PCDH15: variants seen among roughly 807,000 people sequenced by gnomAD.
PCDH15 encodes protocadherin related 15.
Under a neutral mutation model 178.5 loss-of-function variants are expected in PCDH15, and 129 were observed. The observed-to-expected ratio is 0.72, with a 90% CI of 0.63 to 0.84. PCDH15 has a LOEUF of 0.84. PCDH15 is among the 40% of genes least tolerant of loss of function. The probability of loss-of-function intolerance (pLI) is 0.00; values close to 1 mark genes in which losing one functional copy is unlikely to be tolerated. For synonymous variants in PCDH15, 800 were observed against 732.0 expected (o/e 1.09, Z -1.50); for missense variants, 2,230 against 2,099.9 (o/e 1.06, Z -1.21).
intron 29 of PCDH15, 77 bp from the exon 30 acceptor site, chr10:53,831,610 G>T: frequency 1.9e-6 from 2 of 1,070,062 alleles, no homozygotes; most frequent in Non-Finnish European, 2.8e-6. Context: ...CTTTTTGTAA[G>T]ATCTTTCAAT....
intron 2 of PCDH15, among the ~76,000 whole-genome samples, chr10:55,466,844 C>T (rs931753248): frequency 6.6e-6 from 1 of 152,186 alleles, no homozygotes; most frequent in Non-Finnish European, 1.5e-5. Flanking sequence ...TATGGGCAAT[C>T]TTTGTCAAGT....
intron 8 of PCDH15, among the ~76,000 whole-genome samples, chr10:54,314,130 TACACACACACACACACACAC>T (rs58949602): frequency 1.5e-4 from 22 of 149,716 alleles, no homozygotes; most frequent in African/African-American, 2.7e-4. Context: ...TAATTGGAAG[TACACACACACACACACACAC>T]ACACACACAC....
chr10:54,913,047 C>A (rs1275942839), intron 2 of PCDH15, among the ~76,000 whole-genome samples: 1 of 152,072 alleles, frequency 6.6e-6, no homozygotes, highest in African/African-American at 2.4e-5. Context: ...GAAAGCAGAG[C>A]ATAAAAGTTG....
At chr10:53,885,451 AT>A (rs1256905949) in intron 26 of PCDH15, among the ~76,000 whole-genome samples, 1 of 152,184 alleles carries the variant, frequency 6.6e-6, no homozygotes, top group Admixed American at 6.5e-5. Flanking sequence ...ATTTATACTG[AT>A]ACTGCTTGAA....
At chr10:53,936,503 A>T (rs2085586297) in intron 25 of PCDH15, among the ~76,000 whole-genome samples, 1 of 152,136 alleles carries the variant, frequency 6.6e-6, no homozygotes, top group Admixed American at 6.6e-5. Flanking sequence ...CCAGGGCGTG[A>T]TTATGTTGAA....
intron 8 of PCDH15, among the ~76,000 whole-genome samples, chr10:54,272,050 T>C (rs927419409): frequency 2.1e-5 from 3 of 142,790 alleles, no homozygotes; most frequent in African/African-American, 7.6e-5. Context: ...TATATATATA[T>C]AAAACATTTG....
intron 21 of PCDH15, among the ~76,000 whole-genome samples, chr10:53,966,833 T>C (rs2089076376): frequency 6.6e-6 from 1 of 151,380 alleles, no homozygotes; most frequent in South Asian, 2.1e-4. Context: ...ATATAGTAAA[T>C]GAGTTTATGA....
Position 54,699,145 on chromosome 10 carries a change from T to A in PCDH15, c.-28-34855A>T, listed in dbSNP as rs185183661. On this transcript the variant is annotated intron_variant, in intron 1 of 37. Coordinates refer to ENST00000644397, the MANE Select transcript of PCDH15 (RefSeq NM_001384140.1). ...GCATTCTAACAAAGGATTAAACAAA[T>A]AACTTCAGAAAACATAATACACCTT... Among the ~76,000 whole-genome samples the A allele has an allele frequency of 6.0e-4, 92 of 152,228 alleles. 1 individual carries two copies. The highest frequency in any genetic ancestry group is 1.2e-3 in the Non-Finnish European group (84 of 67,992).
chr10:55,306,995 T>C (rs746338928), intron 1 of PCDH15, among the ~76,000 whole-genome samples: 4 of 151,900 alleles, frequency 2.6e-5, no homozygotes, highest in Admixed American at 1.3e-4. Flanking sequence ...TTTAGAAATA[T>C]ATACATATAT....
intron 8 of PCDH15, among the ~76,000 whole-genome samples, chr10:54,250,723 C>T (rs12258533): frequency 0.024 from 3,723 of 152,142 alleles, 157 homozygotes; most frequent in African/African-American, 0.08. Context: ...TCTGGATTTA[C>T]GGAAAACTAG....
intron 3 of PCDH15, among the ~76,000 whole-genome samples, chr10:54,515,702 G>T (rs1388824153): frequency 6.6e-6 from 1 of 152,160 alleles, no homozygotes; most frequent in East Asian, 1.9e-4. Flanking sequence ...TCCCTGACCT[G>T]CGAGCAGCCT....
intron 20 of PCDH15, among the ~76,000 whole-genome samples, chr10:54,007,657 T>C (rs998010230): frequency 2.8e-4 from 42 of 152,234 alleles, no homozygotes; most frequent in African/African-American, 9.4e-4. Flanking sequence ...TTATTTATAC[T>C]GTGGAAATAT....
chr10:55,051,457 C>G (rs115308573), intron 2 of PCDH15, among the ~76,000 whole-genome samples: 2,379 of 151,964 alleles, frequency 0.016, 67 homozygotes, highest in African/African-American at 0.054. Context: ...ATAATTTAAT[C>G]CATTTATTTG....
intron 21 of PCDH15, among the ~76,000 whole-genome samples, chr10:53,979,308 T>C (rs932843233): frequency 1.3e-5 from 2 of 151,978 alleles, no homozygotes; most frequent in African/African-American, 2.4e-5. Context: ...AAGGGAAAAA[T>C]CCCTTATAAA....
intron 16 of PCDH15, among the ~76,000 whole-genome samples, chr10:54,086,858 G>A (rs886908122): frequency 3.3e-5 from 5 of 152,180 alleles, no homozygotes; most frequent in African/African-American, 1.2e-4. Flanking sequence ...GGTCAATTTA[G>A]ACTAAAAGGA....
chr10:54,836,130 C>A (rs10763150), intron 3 of PCDH15, among the ~76,000 whole-genome samples: 103,914 of 152,044 alleles, frequency 0.68, 35,785 homozygotes, highest in Admixed American at 0.76. Flanking sequence ...ATTTGAGATT[C>A]ATCACCAATG....
At chr10:54,182,482 T>C (rs2133785940) in intron 13 of PCDH15, among the ~76,000 whole-genome samples, 1 of 135,924 alleles carries the variant, frequency 7.4e-6, no homozygotes, top group South Asian at 2.4e-4. Context: ...ATGACCTTGA[T>C]GAGAGAGGAA....
chr10:54,442,501 A>T (rs1342341981), intron 3 of PCDH15, among the ~76,000 whole-genome samples: 1 of 120,364 alleles, frequency 8.3e-6, no homozygotes, highest in East Asian at 2.6e-4. Context: ...TGTTTTTTTT[A>T]AATGAAACAA....
chr10:55,057,498 C>A (rs1027386910), intron 2 of PCDH15, among the ~76,000 whole-genome samples: 1 of 152,084 alleles, frequency 6.6e-6, no homozygotes, highest in Non-Finnish European at 1.5e-5. Flanking sequence ...GCAATTTGAG[C>A]CCTGATTTCC....
Sources: allele counts gnomAD v4.1 joint callset (sites outside exome capture counted in the v4.1 genomes callset), GRCh38; gene constraint gnomAD v4.1.1; transcripts MANE v1.5; gene names NCBI Gene and HGNC (gene_info 2026-07-23, HGNC 2026-07-21).